Variants in TMEFF2 observed in about 807,000 individuals in gnomAD.
TMEFF2 encodes the protein tomoregulin-2.
In TMEFF2, 28 loss-of-function variants were observed where a neutral mutation model predicts 53.8. That is an observed-to-expected ratio of 0.52 (90% CI 0.39 to 0.71). The LOEUF (loss-of-function observed/expected upper bound fraction) is 0.71, where lower values mean the gene tolerates loss of function less well. Among genes scored for constraint, TMEFF2 ranks in the 30% least tolerant of loss-of-function variants. The probability of loss-of-function intolerance (pLI) is 0.00; values close to 1 mark genes in which losing one functional copy is unlikely to be tolerated. For synonymous variants in TMEFF2, 162 were observed against 166.3 expected (o/e 0.97, Z 0.20); for missense variants, 353 against 455.2 (o/e 0.78, Z 2.04).
intron 4 of TMEFF2, among the ~76,000 whole-genome samples, chr2:192,091,707 A>G (rs1218996116): frequency 2.6e-5 from 4 of 152,034 alleles, no homozygotes; most frequent in Non-Finnish European, 5.9e-5. Context: ...TTCAAGTGCA[A>G]TTTATCTGAA....
chr2:192,147,595 C>T (rs190583167), intron 4 of TMEFF2, among the ~76,000 whole-genome samples: 12 of 151,866 alleles, frequency 7.9e-5, no homozygotes, highest in Admixed American at 7.2e-4. Flanking sequence ...GTTTTTTGTC[C>T]TTGTGACAGT....
chr2:191,964,976 C>G (rs1271278476), intron 7 of TMEFF2, among the ~76,000 whole-genome samples: 1 of 152,080 alleles, frequency 6.6e-6, no homozygotes, highest in Non-Finnish European at 1.5e-5. Context: ...GTGTAGGCTC[C>G]CATTTTCCAA....
chr2:192,178,482 T>C (rs1473252112), intron 4 of TMEFF2: 1 of 150,444 alleles, frequency 6.6e-6, no homozygotes, highest in South Asian at 2.1e-4. Flanking sequence ...TGAAACATAT[T>C]CTATGCTTGA....
intron 5 of TMEFF2, among the ~76,000 whole-genome samples, chr2:192,019,629 A>C (rs1325396343): frequency 6.6e-6 from 1 of 151,866 alleles, no homozygotes; most frequent in Non-Finnish European, 1.5e-5. Context: ...ACATTTTTAA[A>C]TGTTGTCTTT....
intron 4 of TMEFF2, among the ~76,000 whole-genome samples, chr2:192,061,962 G>A (rs1475824263): frequency 1.3e-5 from 2 of 152,126 alleles, no homozygotes; most frequent in Non-Finnish European, 2.9e-5. Flanking sequence ...CCGGCACCAT[G>A]CTTCTCATAC....
At chr2:191,958,292 T>C (rs1013190775) in intron 7 of TMEFF2, among the ~76,000 whole-genome samples, 2 of 152,286 alleles carry the variant, frequency 1.3e-5, no homozygotes, top group South Asian at 4.1e-4. Flanking sequence ...ATTCGACACT[T>C]CTATGGTTCA....
chr2:191,949,660 TTA>T lies in TMEFF2; in HGVS notation c.*649_*650del. ...AACCAATATTTTCTTTCCCTCTCCT[TTA>T]TGAGTTATAAAACACTTTCCCTCCC... On this transcript the variant is annotated 3_prime_UTR_variant, in exon 10 of 10. Coordinates refer to ENST00000272771, the MANE Select transcript of TMEFF2 (RefSeq NM_016192.4). 1 of 985,272 alleles carries T rather than the reference TTA, an allele frequency of 1.0e-6. No homozygotes were observed. The highest frequency in any genetic ancestry group is 1.2e-6 in the Non-Finnish European group (1 of 829,868). 61.0% of individuals were successfully genotyped at this position (985,272 alleles called of 1,614,324 possible).
At chr2:191,987,852 A>G (rs1414138230) in intron 7 of TMEFF2, among the ~76,000 whole-genome samples, 1 of 152,200 alleles carries the variant, frequency 6.6e-6, no homozygotes, top group Non-Finnish European at 1.5e-5. Flanking sequence ...CCAAAACAAC[A>G]GATAACACAC....
intron 7 of TMEFF2, among the ~76,000 whole-genome samples, chr2:191,985,992 C>T (rs894665409): frequency 1.3e-5 from 2 of 152,230 alleles, no homozygotes; most frequent in Non-Finnish European, 2.9e-5. Flanking sequence ...AGAACCTCTT[C>T]AGGTTCCCCG....
At chr2:192,041,924 G>T (rs1045921222) in intron 5 of TMEFF2, among the ~76,000 whole-genome samples, 1 of 152,102 alleles carries the variant, frequency 6.6e-6, no homozygotes, top group African/African-American at 2.4e-5. Context: ...AAAGATCACT[G>T]ATCGGCCAGG....
Position 191,956,500 on chromosome 2 carries a change from T to C in TMEFF2, c.746-122A>G. The C allele has an allele frequency of 1.3e-5, 14 of 1,097,834 alleles. No individual in the cohort carries two copies. In the South Asian group the frequency reaches 2.7e-4, roughly 21 times the overall value. The allele number at this position is 1,097,834 out of a possible 1,614,324, so 68.0% of individuals were successfully genotyped here. A position where few individuals can be genotyped will look rare whatever the true frequency, so the allele number is the denominator to read the frequency against. ...TTTAAAAGGGCAAGAACTAAAGGGC[T>C]ATGCTTCAGAAATAAGAGGAAGAAA... is the stretch of plus-strand genomic sequence containing the variant. On this transcript the variant is annotated intron_variant, in intron 7 of 9. Coordinates refer to ENST00000272771, the MANE Select transcript of TMEFF2 (RefSeq NM_016192.4).
intron 4 of TMEFF2, among the ~76,000 whole-genome samples, chr2:192,153,186 T>A (rs980803893): frequency 2.1e-4 from 32 of 151,760 alleles, no homozygotes; most frequent in Admixed American, 1.3e-4. Flanking sequence ...TTAAAAGAAG[T>A]AGGTTATAGA....
chr2:191,990,854 AC>A (rs1482167623), intron 7 of TMEFF2, among the ~76,000 whole-genome samples: 6 of 152,024 alleles, frequency 3.9e-5, no homozygotes, highest in African/African-American at 1.2e-4. Context: ...AAACAGAAAT[AC>A]ATTTCCATAT....
chr2:192,061,107 C>G (rs1024700466), intron 4 of TMEFF2, among the ~76,000 whole-genome samples: 13 of 152,154 alleles, frequency 8.5e-5, no homozygotes, highest in Admixed American at 2.6e-4. Flanking sequence ...TCTTGCTGGT[C>G]CTACATGATG....
At chr2:192,060,693 C>A (rs1215696484) in intron 4 of TMEFF2, among the ~76,000 whole-genome samples, 2 of 152,116 alleles carry the variant, frequency 1.3e-5, no homozygotes, top group Non-Finnish European at 2.9e-5. Context: ...ACTGTTGCTT[C>A]TTTCTCTTCT....
intron 4 of TMEFF2, among the ~76,000 whole-genome samples, chr2:192,174,748 G>T (rs1281800497): frequency 6.6e-6 from 1 of 151,676 alleles, no homozygotes; most frequent in Admixed American, 6.6e-5. Flanking sequence ...TTCAGCAGAA[G>T]TTGCTTACAA....
intron 4 of TMEFF2, among the ~76,000 whole-genome samples, chr2:192,174,251 C>A (rs1472292527): frequency 1.3e-5 from 2 of 151,602 alleles, no homozygotes; most frequent in African/African-American, 2.4e-5. Context: ...CATTCTTAAG[C>A]AATGTGCAGA....
At chr2:192,030,566 T>C (rs189262793) in intron 5 of TMEFF2, 2 of 152,078 alleles carry the variant, frequency 1.3e-5, no homozygotes, top group African/African-American at 4.8e-5. Flanking sequence ...CCTCTTTTAT[T>C]GTTATTTTGA....
At chr2:192,145,444 A>G (rs1690227431) in intron 4 of TMEFF2, among the ~76,000 whole-genome samples, 1 of 151,992 alleles carries the variant, frequency 6.6e-6, no homozygotes, top group Non-Finnish European at 1.5e-5. Flanking sequence ...TTTTATTTCA[A>G]GTAAGCAATT....
Sources: gnomAD v4.1 joint callset for allele counts (sites outside exome capture counted in the v4.1 genomes callset) on GRCh38, gnomAD v4.1.1 for gene constraint, MANE v1.5 for transcripts, NCBI Gene and HGNC (gene_info 2026-07-23, HGNC 2026-07-21) for gene names.